XKR9: variants seen among roughly 807,000 people sequenced by gnomAD.
XKR9 encodes the protein XK related 9, also known as XK-related protein 9.
XKR9 carries 32 observed loss-of-function variants against 32.0 expected under a neutral mutation model. The observed-to-expected ratio is 1.00, with a 90% confidence interval of 0.76 to 1.34. XKR9 has a LOEUF of 1.34. Ranked by LOEUF, XKR9 falls within the 40% of genes most tolerant of loss-of-function variation. XKR9 has a pLI of 0.00. For missense variants in XKR9, 546 were observed against 429.7 expected (o/e 1.27, Z -2.39); for synonymous variants, 168 against 143.4 (o/e 1.17, Z -1.22).
the XKR9 span, among the ~76,000 whole-genome samples, chr8:70,827,671 C>A: frequency 2.6e-5 from 4 of 152,062 alleles, no homozygotes; most frequent in Non-Finnish European, 2.9e-5. Context: ...ACATACACTG[C>A]AATTAGACTT....
At chr8:70,865,549 A>G in the XKR9 span, among the ~76,000 whole-genome samples, 2 of 151,818 alleles carry the variant, frequency 1.3e-5, no homozygotes, top group African/African-American at 4.8e-5. Context: ...GTTTTCTGCA[A>G]TTGTAATTAT....
At chr8:70,975,947 A>AG in the XKR9 span, among the ~76,000 whole-genome samples, 4 of 152,106 alleles carry the variant, frequency 2.6e-5, no homozygotes, top group African/African-American at 9.7e-5. Flanking sequence ...CTCCTTGAAG[A>AG]GGTCCTTCAC....
At chr8:70,755,953 G>C (rs1355025613) in intron 2 of XKR9, among the ~76,000 whole-genome samples, 7 of 151,928 alleles carry the variant, frequency 4.6e-5, no homozygotes, top group Admixed American at 4.6e-4. Flanking sequence ...ATTCAAAAAG[G>C]TCATAAAGAT....
the XKR9 span, among the ~76,000 whole-genome samples, chr8:71,002,330 C>A: frequency 3.9e-5 from 3 of 77,684 alleles, no homozygotes; most frequent in Admixed American, 2.3e-4. Flanking sequence ...TAATTTTAAT[C>A]TAATTTAATG....
chr8:70,857,429 A>G, the XKR9 span, among the ~76,000 whole-genome samples: 1 of 152,246 alleles, frequency 6.6e-6, no homozygotes, highest in Non-Finnish European at 1.5e-5. Context: ...ACCAGGAAGA[A>G]GTTGAATCTG....
At chr8:70,829,867 C>G in the XKR9 span, among the ~76,000 whole-genome samples, 1 of 152,166 alleles carries the variant, frequency 6.6e-6, no homozygotes, top group African/African-American at 2.4e-5. Context: ...AAGTAATGCT[C>G]AAACGTGATA....
At chr8:70,689,518 A>T (rs1225121699) in intron 3 of XKR9, among the ~76,000 whole-genome samples, 4 of 149,160 alleles carry the variant, frequency 2.7e-5, no homozygotes, top group African/African-American at 9.8e-5. Context: ...TATGTATATT[A>T]GCCCCGGAGC....
chr8:70,956,466 A>C, the XKR9 span, among the ~76,000 whole-genome samples: 1 of 152,028 alleles, frequency 6.6e-6, no homozygotes, highest in Non-Finnish European at 1.5e-5. Flanking sequence ...TGAAGTTCTT[A>C]CTCCAGGTGC....
chr8:70,694,624 G>C (rs919949082), intron 3 of XKR9, among the ~76,000 whole-genome samples: 1 of 152,208 alleles, frequency 6.6e-6, no homozygotes, highest in South Asian at 2.1e-4. Context: ...GAATGGCTAA[G>C]GTGCCTGAAT....
At chr8:70,830,431 A>AT in the XKR9 span, among the ~76,000 whole-genome samples, 29 of 151,510 alleles carry the variant, frequency 1.9e-4, no homozygotes, top group African/African-American at 6.8e-4. Context: ...AAAAAAAAAA[A>AT]GAAATATCAG....
At chr8:70,881,330 G>A in the XKR9 span, among the ~76,000 whole-genome samples, 2 of 152,054 alleles carry the variant, frequency 1.3e-5, no homozygotes, top group African/African-American at 2.4e-5. Context: ...GAGTAAACAA[G>A]CAACTTACAG....
chr8:70,822,099 AT>A, the XKR9 span, among the ~76,000 whole-genome samples: 1 of 152,274 alleles, frequency 6.6e-6, no homozygotes, highest in African/African-American at 2.4e-5. Flanking sequence ...GGAATATTGT[AT>A]TTATTAAAAG....
intron 2 of XKR9, among the ~76,000 whole-genome samples, chr8:70,680,044 C>T (rs1483933831): frequency 1.3e-5 from 2 of 151,738 alleles, no homozygotes; most frequent in Non-Finnish European, 2.9e-5. Context: ...AGAGAGAAAA[C>T]AACTGAAGTT....
chr8:70,869,674 T>C, the XKR9 span, among the ~76,000 whole-genome samples: 1 of 152,166 alleles, frequency 6.6e-6, no homozygotes, highest in Admixed American at 6.5e-5. Context: ...TCCTTACCCA[T>C]TGCATGCTAA....
chr8:70,788,365 G>A (rs907098534), intron 2 of XKR9, among the ~76,000 whole-genome samples: 13 of 152,066 alleles, frequency 8.5e-5, no homozygotes, highest in South Asian at 2.1e-4. Context: ...TTACAACATC[G>A]TGGAGCATTC....
chr8:70,890,636 T>A, the XKR9 span, among the ~76,000 whole-genome samples: 1 of 151,988 alleles, frequency 6.6e-6, no homozygotes, highest in Admixed American at 6.6e-5. Context: ...ACCAGCCTTG[T>A]GTTCCTGGGA....
At chr8:70,748,285 C>T (rs1401772095) in intron 2 of XKR9, among the ~76,000 whole-genome samples, 5 of 152,132 alleles carry the variant, frequency 3.3e-5, no homozygotes, top group African/African-American at 9.7e-5. Context: ...GATGTAGCTG[C>T]CCAGCTGCAG....
chr8:71,049,918 A>G, the XKR9 span, among the ~76,000 whole-genome samples: 1 of 152,198 alleles, frequency 6.6e-6, no homozygotes, highest in African/African-American at 2.4e-5. Flanking sequence ...ATATAAAACA[A>G]GATGAATTTA....
the XKR9 span, among the ~76,000 whole-genome samples, chr8:70,871,295 T>C: frequency 6.6e-6 from 1 of 152,200 alleles, no homozygotes; most frequent in Admixed American, 6.6e-5. Context: ...TTCTTTCTTA[T>C]TAATTCAGGA....
Sources: allele counts gnomAD v4.1 joint callset (sites outside exome capture counted in the v4.1 genomes callset), GRCh38; gene constraint gnomAD v4.1.1; transcripts MANE v1.5; gene names NCBI Gene and HGNC (gene_info 2026-07-23, HGNC 2026-07-21).